The following THSD7B variants were observed in gnomAD, a reference collection of about 807,000 sequenced individuals.
THSD7B encodes thrombospondin type 1 domain containing 7B.
A neutral mutation model predicts 213.6 loss-of-function variants in THSD7B; 138 were observed. The ratio of observed to expected loss-of-function variants is 0.65; its 90% CI spans 0.56 to 0.74. The LOEUF (loss-of-function observed/expected upper bound fraction) is 0.74. Ranked by LOEUF, THSD7B falls within the 30% of genes least tolerant of loss-of-function variation. The pLI is 0.00. For synonymous variants in THSD7B, 742 were observed against 687.0 expected (o/e 1.08, Z -1.25); for missense variants, 1,931 against 1,991.5 (o/e 0.97, Z 0.58).
At chr2:136,891,633 T>C (rs7588481) in intron 2 of THSD7B, among the ~76,000 whole-genome samples, 1 of 152,268 alleles carries the variant, frequency 6.6e-6, no homozygotes, top group South Asian at 2.1e-4. Context: ...GCCAGGCACC[T>C]TTCTTTCATA....
chr2:137,019,794 T>C (rs752545599), intron 2 of THSD7B, among the ~76,000 whole-genome samples: 9 of 152,180 alleles, frequency 5.9e-5, no homozygotes, highest in Admixed American at 3.9e-4. Flanking sequence ...TCTCTATAAA[T>C]GTGATTTGAT....
intron 15 of THSD7B, among the ~76,000 whole-genome samples, chr2:137,492,096 C>T (rs13404922): frequency 1.7e-4 from 26 of 152,168 alleles, no homozygotes; most frequent in African/African-American, 4.6e-4. Context: ...TCATTCTTTA[C>T]GGTTTTACAT....
chr2:137,249,191 A>G (rs942162136), intron 10 of THSD7B, among the ~76,000 whole-genome samples: 3 of 152,114 alleles, frequency 2.0e-5, no homozygotes, highest in Admixed American at 2.0e-4. Context: ...CCTATTTCAT[A>G]GGGGGAAAAA....
rs1688013714 is a variant in THSD7B at position 137,094,968 on chromosome 2, C to T, written c.1046C>T (p.Ser349Phe). 6.2e-7 allele frequency: 1 copy of T among 1,613,814 alleles called. No homozygotes were observed. The highest frequency in any genetic ancestry group is 1.3e-5 in the African/African-American group (1 of 75,004). ...TSQWSSWSPC[S>F]KTCRSGSLLP... ...CAGTGGTCCTCCTGGAGCCCCTGCT[C>T]CAAGACATGCCGTTCAGGGAGTCTC... The change falls in exon 4 of 28, where the codon TCC becomes TTC. Residue 349 changes from serine to phenylalanine, a missense_variant. Ser to Phe is a radical substitution (Grantham distance 155, BLOSUM62 -2). Transcript: ENST00000409968.
intron 7 of THSD7B, among the ~76,000 whole-genome samples, chr2:137,192,722 A>G (rs1022143065): frequency 6.6e-6 from 1 of 152,172 alleles, no homozygotes; most frequent in Non-Finnish European, 1.5e-5. Context: ...TGAAATCTGG[A>G]TGTATTTTGA....
intron 17 of THSD7B, among the ~76,000 whole-genome samples, chr2:137,603,439 GT>G (rs1199384031): frequency 6.6e-6 from 1 of 152,172 alleles, no homozygotes; most frequent in Admixed American, 6.5e-5. Context: ...TTGTAGGATG[GT>G]TTTGACATTG....
intron 17 of THSD7B, among the ~76,000 whole-genome samples, chr2:137,592,856 GT>G (rs1681891707): frequency 6.6e-6 from 1 of 151,880 alleles, no homozygotes; most frequent in Non-Finnish European, 1.5e-5. Flanking sequence ...CTGCTTTTCA[GT>G]GTATATGTAC....
intron 15 of THSD7B, among the ~76,000 whole-genome samples, chr2:137,537,146 C>G (rs1011349386): frequency 6.6e-6 from 1 of 151,752 alleles, no homozygotes; most frequent in African/African-American, 2.4e-5. Context: ...GGGCAGTCAT[C>G]ATCAAGCTTT....
At chr2:137,376,570 A>G (rs1293997376) in intron 12 of THSD7B, among the ~76,000 whole-genome samples, 1 of 152,236 alleles carries the variant, frequency 6.6e-6, no homozygotes, top group East Asian at 1.9e-4. Flanking sequence ...TCAAAAGTGG[A>G]ATAAATCATA....
At chr2:137,192,631 C>A (rs1460061239) in intron 7 of THSD7B, among the ~76,000 whole-genome samples, 1 of 152,106 alleles carries the variant, frequency 6.6e-6, no homozygotes, top group Non-Finnish European at 1.5e-5. Flanking sequence ...TAAGGAATAG[C>A]AGGGCTTTTT....
intron 7 of THSD7B, among the ~76,000 whole-genome samples, chr2:137,228,341 C>T (rs1284629214): frequency 6.6e-6 from 1 of 151,996 alleles, no homozygotes. Context: ...ATAGGTATAT[C>T]AGCTTATAAA....
chr2:137,411,995 C>T lies in THSD7B; in HGVS notation c.2959+123C>T. On this transcript the variant is annotated intron_variant, in intron 14 of 27. Transcript: ENST00000409968. Reference sequence around the variant, plus strand: ...TGTTTTAATTTTCCTTTGTCAATAACACATTGTCTCTCATAAAATATGGAC... The same window carrying T: ...TGTTTTAATTTTCCTTTGTCAATAATACATTGTCTCTCATAAAATATGGAC... 7 of 1,118,576 alleles carry T rather than the reference C, an allele frequency of 6.3e-6. No individual in the cohort carries two copies. The South Asian group carries it at 8.3e-5, about 13-fold the overall frequency. 69.3% of individuals were successfully genotyped at this position (1,118,576 alleles called of 1,614,324 possible).
At chr2:137,555,166 G>A (rs1680931263) in intron 15 of THSD7B, among the ~76,000 whole-genome samples, 1 of 152,208 alleles carries the variant, frequency 6.6e-6, no homozygotes, top group Non-Finnish European at 1.5e-5. Context: ...AGACTTAAAT[G>A]TCCCTGTCTG....
rs576396526 is a variant in THSD7B, at chr2:136,904,927, C to T, written c.139+22610C>T. On this transcript the variant is annotated intron_variant, in intron 2 of 27. Coordinates refer to ENST00000409968, the MANE Select transcript of THSD7B (RefSeq NM_001316349.2). ...TCCTTTAGCCTGGGGATTCCACAGA[C>T]TCATACAATGTTGGAGCGGTACAGC... 1.4e-4 allele frequency among the ~76,000 whole-genome samples: 22 copies of T among 152,356 alleles called. 1 individual carries two copies. Among genetic ancestry groups the T allele is most frequent in the Admixed American group, 7.2e-4 (11 of 15,302 alleles).
chr2:137,537,892 C>T (rs937157887), intron 15 of THSD7B, among the ~76,000 whole-genome samples: 1 of 151,662 alleles, frequency 6.6e-6, no homozygotes, highest in African/African-American at 2.4e-5. Context: ...CCTCAGGGAG[C>T]ACACAGTCTA....
intron 15 of THSD7B, among the ~76,000 whole-genome samples, chr2:137,484,169 C>A (rs141203162): frequency 2.3e-5 from 3 of 127,984 alleles, no homozygotes; most frequent in Admixed American, 8.3e-5. Context: ...ATCCCTCCCC[C>A]CTCCCCCCAC....
At position 137,232,770 on chromosome 2, in the gene THSD7B, A is replaced by G. The variant is rs1464452476; in HGVS notation, c.1916-129A>G. On this transcript the variant is annotated intron_variant, in intron 8 of 27. Transcript: ENST00000409968. ...TCCCTGTTCTTAGACTGAGAAGAAC[A>G]GTGCAGTGGCTCAGGTCTTTGGAAG... 5.2e-6 allele frequency: 4 copies of G among 770,910 alleles called. No homozygotes were observed. In the East Asian group the frequency reaches 8.1e-5, roughly 16 times the overall value. The allele number at this position is 770,910 out of a possible 1,614,324, so 47.8% of individuals were successfully genotyped here.
chr2:137,399,210 TA>T (rs59493687), intron 12 of THSD7B, among the ~76,000 whole-genome samples: 11,535 of 45,160 alleles, frequency 0.26, 1,033 homozygotes, highest in South Asian at 0.35. Flanking sequence ...TTTTTTTTTT[TA>T]AACACAAGTC....
At chr2:136,942,628 G>C (rs373386165) in intron 2 of THSD7B, among the ~76,000 whole-genome samples, 2 of 152,042 alleles carry the variant, frequency 1.3e-5, no homozygotes, top group African/African-American at 4.8e-5. Context: ...AATGGGAGTT[G>C]ACTCATGATT....
Sources: allele counts gnomAD v4.1 joint callset (sites outside exome capture counted in the v4.1 genomes callset), GRCh38; gene constraint gnomAD v4.1.1; transcripts MANE v1.5; gene names NCBI Gene and HGNC (gene_info 2026-07-23, HGNC 2026-07-21).